Variants in MLLT6 observed in about 807,000 individuals in gnomAD.
MLLT6 encodes the protein MLLT6, PHD finger containing, also known as protein AF-17.
Under a neutral mutation model 103.0 loss-of-function variants are expected in MLLT6, and 22 were observed. The ratio of observed to expected loss-of-function variants is 0.21; its 90% CI spans 0.15 to 0.31. MLLT6 has a LOEUF of 0.31. MLLT6 is among the 10% of genes least tolerant of loss of function. The pLI, the probability that MLLT6 is intolerant of heterozygous loss-of-function variation, is 1.00. For missense variants in MLLT6, 1,199 were observed against 1,441.7 expected, an observed-to-expected ratio of 0.83 and a Z score of 2.73; for synonymous variants, 606 against 623.5, an observed-to-expected ratio of 0.97 and a Z score of 0.42.
intron 2 of MLLT6, 54 bp downstream of exon 2, chr17:38,707,083 G>A (rs1198318725): frequency 7.4e-6 from 11 of 1,492,576 alleles, no homozygotes; most frequent in Middle Eastern, 1.8e-4. Context: ...ACACCTGAGC[G>A]TCTCAGGTTG....
Position 38,717,557 on chromosome 17 carries a change from C to G in MLLT6, c.1777C>G (p.Arg593Gly). The G allele has an allele frequency of 6.2e-7, 1 of 1,613,952 alleles. No individual in the cohort carries two copies. The highest frequency in any genetic ancestry group is 8.5e-7 in the Non-Finnish European group (1 of 1,179,954). ...GACCTCGGCCCTGCCCCGCCTCAGC[C>G]GCTCCCCGTTCACCAGCACCCTCCC... is the stretch of plus-strand genomic sequence containing the variant. ...PGTSALPRLS[R>G]SPFTSTLPSS... is the part of the protein sequence containing the mutation. The change falls in exon 11 of 20, where the codon CGC becomes GGC. Residue 593 changes from arginine (R) to glycine (G), a missense_variant. By Grantham distance (125) the Arg-to-Gly change is moderately radical (BLOSUM62 -2). Transcript: ENST00000621332.
chr17:38,721,147 C>G, intron 16 of MLLT6: 1 of 234,766 alleles, frequency 4.3e-6, no homozygotes, highest in Non-Finnish European at 8.4e-6. Flanking sequence ...TAGCGCCTCA[C>G]ACAAAATAAT....
chr17:38,720,118 T>C lies in MLLT6; in HGVS notation c.2155+223T>C, dbSNP rs1597999414. The C allele has an allele frequency of 5.5e-6, 4 of 726,416 alleles. No homozygotes were observed. In the East Asian group the frequency reaches 8.1e-5, roughly 15 times the overall value. 45.0% of individuals were successfully genotyped at this position (726,416 alleles called of 1,614,324 possible). A position where few individuals can be genotyped will look rare whatever the true frequency, so the allele number is the denominator to read the frequency against. ...CTTCGTGGCCTCCGGGCCCCGACCT[T>C]ACCAAACCGCAACTTCCGCCCTTCT... On this transcript the variant is annotated intron_variant, in intron 14 of 19. Coordinates refer to ENST00000621332, the MANE Select transcript of MLLT6 (RefSeq NM_005937.4).
intron 18 of MLLT6, among the ~76,000 whole-genome samples, chr17:38,723,978 A>G (rs543028805): frequency 2.6e-5 from 4 of 152,186 alleles, no homozygotes; most frequent in South Asian, 2.1e-4. Flanking sequence ...CCTGACCTCA[A>G]GTGATCCACC....
intron 11 of MLLT6, 76 bp from the exon 12 acceptor site, chr17:38,717,769 C>T (rs917872267): frequency 2.1e-6 from 3 of 1,407,184 alleles, no homozygotes; most frequent in Admixed American, 3.5e-5. Context: ...CACACCCGGC[C>T]CCCTGCACCC....
intron 1 of MLLT6, chr17:38,706,693 G>A (rs913560047): frequency 5.4e-6 from 2 of 369,578 alleles, no homozygotes; most frequent in Non-Finnish European, 9.6e-6. Flanking sequence ...GAAAGGGCGT[G>A]GGGGGAGGAT....
chr17:38,719,203 A>T (rs1905533293), intron 12 of MLLT6: 5 of 422,474 alleles, frequency 1.2e-5, no homozygotes, highest in Non-Finnish European at 1.7e-5. Context: ...AGTTCAATCC[A>T]GGTCTGTCTT....
intron 7 of MLLT6, 84 bp from the exon 8 acceptor site, chr17:38,712,607 G>A (rs1207335429): frequency 1.1e-5 from 10 of 884,066 alleles, no homozygotes; most frequent in East Asian, 4.9e-5. Flanking sequence ...CTAAGGGGGT[G>A]TCAGCTCCCC....
Position 38,724,975 on chromosome 17 carries a change from G to A in MLLT6, c.3239G>A (p.Gly1080Glu). Residue 1080 changes from glycine (G) to glutamate (E), a missense_variant and splice_region_variant, in exon 19 of 20, where the codon GGG becomes GAG. By Grantham distance (98) the Gly-to-Glu change is moderately conservative (BLOSUM62 -2). Transcript: ENST00000621332. This position sits in a 1 kb window ranked among gnomAD's most constrained non-coding sequence, Gnocchi z 5.4. Reference sequence around the variant, plus strand: ...GGCAGTGGCGGTGGCCCCAAAGGAGGGGTGAGTAAGGGGCCCGGGGCCTTC... The same window carrying A: ...GGCAGTGGCGGTGGCCCCAAAGGAGAGGTGAGTAAGGGGCCCGGGGCCTTC... ...AEGSGGGPKG[G>E]TADKGASANQ... 6.6e-7 allele frequency: 1 copy of A among 1,524,074 alleles called. No homozygotes were observed. Among genetic ancestry groups the A allele is most frequent in the South Asian group, 1.2e-5 (1 of 81,602 alleles). The allele number at this position is 1,524,074 out of a possible 1,614,324, so 94.4% of individuals were successfully genotyped here.
intron 14 of MLLT6, 36 bp from the exon 15 acceptor site, chr17:38,720,336 C>A: frequency 6.6e-7 from 1 of 1,520,124 alleles, no homozygotes; most frequent in Non-Finnish European, 8.9e-7. Context: ...CCTCCGCCCC[C>A]TCGCCCCTCC....
intron 18 of MLLT6, among the ~76,000 whole-genome samples, chr17:38,723,572 C>T (rs79492820): frequency 6.6e-6 from 1 of 152,254 alleles, no homozygotes; most frequent in Non-Finnish European, 1.5e-5. Flanking sequence ...ACCAATTCAG[C>T]TGGCTGCCTG....
rs1905655071 is a variant in MLLT6, at chr17:38,720,400, G to A, written c.2184G>A (p.Ala728=). The A allele has an allele frequency of 2.1e-6, 3 of 1,459,486 alleles. No homozygotes were observed. The highest frequency in any genetic ancestry group is 2.8e-6 in the Non-Finnish European group (3 of 1,082,486). The allele number at this position is 1,459,486 out of a possible 1,614,324, so 90.4% of individuals were successfully genotyped here. A position where few individuals can be genotyped will look rare whatever the true frequency, so the allele number is the denominator to read the frequency against. ...TGGAGATGCTGAAGGCGCTGCACGC[G>A]CTGCAGAAGGAGAACCAGCGGCTGC... The part of the protein sequence containing the change: ...NIVEMLKALH[A]LQKENQRLQE... Residue 728 remains alanine (A), a synonymous_variant, in exon 15 of 20, where the codon GCG becomes GCA. Coordinates refer to ENST00000621332, the MANE Select transcript of MLLT6 (RefSeq NM_005937.4).
At chr17:38,721,092 G>A in intron 16 of MLLT6, 2 of 395,808 alleles carry the variant, frequency 5.1e-6, no homozygotes, top group South Asian at 5.7e-5. Context: ...GATAGAAAGT[G>A]GTTAGGGAAG....
At chr17:38,723,194 G>A (rs1308655376) in intron 18 of MLLT6, among the ~76,000 whole-genome samples, 1 of 152,156 alleles carries the variant, frequency 6.6e-6, no homozygotes, top group East Asian at 1.9e-4. Flanking sequence ...GAGAAAAGGA[G>A]TTTTACTTTT....
At position 38,724,505 on chromosome 17, in the gene MLLT6, C is replaced by T; in HGVS notation, c.2884-115C>T. The T allele has an allele frequency of 1.4e-6, 1 of 738,638 alleles. No homozygotes were observed. 45.8% of individuals were successfully genotyped at this position (738,638 alleles called of 1,614,324 possible). On this transcript the variant is annotated intron_variant, in intron 18 of 19. Transcript: ENST00000621332. This position sits in a 1 kb window ranked among gnomAD's most constrained non-coding sequence, Gnocchi z 5.4. ...ACAGTACCTTGACTGTCTCACAGGC[C>T]TCTTGCCTCCTGATTCCAGTGTGAT...
intron 19 of MLLT6, 77 bp from the exon 20 acceptor site, chr17:38,725,480 G>A: frequency 7.3e-7 from 1 of 1,373,080 alleles, no homozygotes; most frequent in Non-Finnish European, 1.0e-6. Flanking sequence ...AGCTTTCTTG[G>A]CCTAGGAAGC....
At chr17:38,722,527 T>C (rs1905813854) in intron 17 of MLLT6, 151 bp from the exon 18 acceptor site, 2 of 639,976 alleles carry the variant, frequency 3.1e-6, no homozygotes, top group Admixed American at 5.1e-5. Context: ...CTGCACCCTA[T>C]GAGCACGGTG....
intron 8 of MLLT6, 100 bp downstream of exon 8, chr17:38,712,889 C>A: frequency 1.2e-6 from 1 of 813,292 alleles, no homozygotes; most frequent in Non-Finnish European, 2.2e-6. Context: ...CCTGGGCACC[C>A]TCCCCACAGC....
intron 1 of MLLT6, 27 bp from the exon 2 acceptor site, chr17:38,706,923 C>T: frequency 6.3e-7 from 1 of 1,588,552 alleles, no homozygotes; most frequent in South Asian, 1.1e-5. Context: ...GACAGCTTTG[C>T]TCAGCGACTG....
Sources: allele counts gnomAD v4.1 joint callset (sites outside exome capture counted in the v4.1 genomes callset), GRCh38; gene constraint gnomAD v4.1.1; non-coding constraint Gnocchi (gnomAD v3.1); transcripts MANE v1.5; gene names NCBI Gene and HGNC (gene_info 2026-07-23, HGNC 2026-07-21).